CIT: variants seen among roughly 807,000 people sequenced by gnomAD.
The protein encoded by CIT is citron rho-interacting serine/threonine kinase.
A neutral mutation model predicts 272.7 loss-of-function variants in CIT; 79 were observed. The ratio of observed to expected loss-of-function variants is 0.29; its 90% confidence interval spans 0.24 to 0.35. The LOEUF (loss-of-function observed/expected upper bound fraction) is 0.35, where lower values mean the gene tolerates loss of function less well. Among genes scored for constraint, CIT ranks in the 10% least tolerant of loss-of-function variants. The probability of loss-of-function intolerance (pLI) is 1.00; values close to 1 mark genes in which losing one functional copy is unlikely to be tolerated. For synonymous variants in CIT, 948 were observed against 995.6 expected (o/e 0.95, Z 0.90); for missense variants, 1,909 against 2,618.3 (o/e 0.73, Z 5.91).
At chr12:119,745,102 T>C (rs986273074) in intron 23 of CIT, among the ~76,000 whole-genome samples, 1 of 149,688 alleles carries the variant, frequency 6.7e-6, no homozygotes. Flanking sequence ...AACCCACAGA[T>C]GCAAAATATT....
chr12:119,823,690 G>A (rs572817875), intron 8 of CIT, among the ~76,000 whole-genome samples: 9 of 152,210 alleles, frequency 5.9e-5, no homozygotes, highest in South Asian at 2.1e-4. Flanking sequence ...TAGGAAATAC[G>A]TTCCTTTTCC....
chr12:119,693,341 C>T (rs1956061479), intron 46 of CIT, among the ~76,000 whole-genome samples: 1 of 152,158 alleles, frequency 6.6e-6, no homozygotes, highest in Non-Finnish European at 1.5e-5. Context: ...TCTCAACTGC[C>T]CAAAGAAGTC....
intron 24 of CIT, among the ~76,000 whole-genome samples, chr12:119,736,536 T>G (rs1035940501): frequency 3.9e-5 from 6 of 152,258 alleles, no homozygotes; most frequent in African/African-American, 1.4e-4. Context: ...AGTAATTTGC[T>G]TTTTAATGTC....
At chr12:119,876,819 A>G (rs1433822750) in intron 1 of CIT, among the ~76,000 whole-genome samples, 2 of 152,200 alleles carry the variant, frequency 1.3e-5, no homozygotes, top group Admixed American at 6.5e-5. Flanking sequence ...GGACTGGAGC[A>G]GAGCGAAAGA....
chr12:119,819,920 T>C (rs1008883190), intron 9 of CIT, among the ~76,000 whole-genome samples: 1 of 152,184 alleles, frequency 6.6e-6, no homozygotes, highest in Admixed American at 6.5e-5. Context: ...ACAGGAAAAT[T>C]TGCTAGGAGA....
At chr12:119,870,544 C>T (rs1186965152) in intron 2 of CIT, among the ~76,000 whole-genome samples, 2 of 117,222 alleles carry the variant, frequency 1.7e-5, no homozygotes, top group South Asian at 3.1e-4. Flanking sequence ...AGTGAGACTC[C>T]CTCTCAAAAA....
In CIT at chr12:119,697,163, C is replaced by G. The variant is rs1956269402; in HGVS notation, c.5882+496G>C. ...CTCACTGGTCTCCCTGCCCCCACCT[C>G]GTATCTGATGGGAAATCCTCCCTCA... On this transcript the variant is annotated intron_variant, in intron 46 of 47. Transcript: ENST00000392521. This position sits in a 1 kb window ranked among gnomAD's most constrained non-coding sequence, Gnocchi z 4.9. 6.6e-6 allele frequency among the ~76,000 whole-genome samples: 1 copy of G among 152,052 alleles called. No homozygotes were observed. Among genetic ancestry groups the G allele is most frequent in the Non-Finnish European group, 1.5e-5 (1 of 68,012 alleles).
chr12:119,841,889 A>C (rs1350900251), intron 5 of CIT, among the ~76,000 whole-genome samples: 1 of 152,148 alleles, frequency 6.6e-6, no homozygotes, highest in Non-Finnish European at 1.5e-5. Context: ...TGGGTTGTAC[A>C]TTAGGGTCTC....
intron 23 of CIT, 98 bp downstream of exon 23, chr12:119,751,952 T>C (rs1418683276): frequency 9.1e-7 from 1 of 1,100,140 alleles, no homozygotes; most frequent in Admixed American, 2.9e-5. Context: ...TTTTCCCTCC[T>C]GGAATTTCTA....
chr12:119,835,568 G>C lies in CIT; in HGVS notation c.517-1340C>G, dbSNP rs551638759. ...AAATGTCTTGGAAGTTGTCTCATATGCTTTCTGGGAAAAAGGCAAGATCTG... is the reference window on the plus strand; with the variant it reads ...AAATGTCTTGGAAGTTGTCTCATATCCTTTCTGGGAAAAAGGCAAGATCTG... On this transcript the variant is annotated intron_variant, in intron 5 of 47. Transcript: ENST00000392521. Among the ~76,000 whole-genome samples, 11 of 152,178 alleles carry C rather than the reference G, an allele frequency of 7.2e-5. No homozygotes were observed. The South Asian group carries it at 1.5e-3, about 20-fold the overall frequency.
intron 4 of CIT, among the ~76,000 whole-genome samples, chr12:119,854,518 C>T (rs1331774474): frequency 2.0e-5 from 3 of 151,960 alleles, no homozygotes; most frequent in African/African-American, 4.8e-5. Flanking sequence ...TGGCACCCGC[C>T]TGTAGTCCCA....
intron 46 of CIT, among the ~76,000 whole-genome samples, chr12:119,691,667 A>G (rs1430641746): frequency 1.3e-5 from 2 of 152,064 alleles, no homozygotes; most frequent in Admixed American, 6.6e-5. Flanking sequence ...ACCCAACCCA[A>G]TCCTCCACCC....
intron 5 of CIT, among the ~76,000 whole-genome samples, chr12:119,836,689 T>A (rs980183098): frequency 6.6e-6 from 1 of 152,196 alleles, no homozygotes; most frequent in Non-Finnish European, 1.5e-5. Context: ...CCTATGGCTG[T>A]ATTAAAGATG....
In CIT at chr12:119,784,640, G is replaced by C; in HGVS notation, c.1401+320C>G. 1 of 1,242,594 alleles carries C rather than the reference G, an allele frequency of 8.0e-7. No homozygotes were observed. Among genetic ancestry groups the C allele is most frequent in the Non-Finnish European group, 1.0e-6 (1 of 987,254 alleles). 77.0% of individuals were successfully genotyped at this position (1,242,594 alleles called of 1,614,324 possible). On this transcript the variant is annotated intron_variant, in intron 11 of 47. Transcript: ENST00000392521. The surrounding 1 kb of genome is among the most constrained non-coding windows in gnomAD (Gnocchi z 4.7). ...GAGAGACTTCGCATCACTCAAAGCA[G>C]ATGGGATGTATCTCAGCCACAGGTG...
intron 41 of CIT, among the ~76,000 whole-genome samples, chr12:119,703,094 A>G (rs1271112379): frequency 6.6e-6 from 1 of 152,208 alleles, no homozygotes; most frequent in Non-Finnish European, 1.5e-5. Flanking sequence ...TCATCACTGA[A>G]TATTTCTTGG....
At chr12:119,855,539 C>T (rs1366651974) in intron 4 of CIT, among the ~76,000 whole-genome samples, 1 of 152,052 alleles carries the variant, frequency 6.6e-6, no homozygotes, top group African/African-American at 2.4e-5. Flanking sequence ...GTCTGCAGAA[C>T]AGCATCCCTC....
intron 23 of CIT, among the ~76,000 whole-genome samples, chr12:119,745,386 A>AAAAAAAAAAAAAAAAAAAAAAAAAAC (rs1565978032): frequency 7.0e-6 from 1 of 143,256 alleles, no homozygotes; most frequent in East Asian, 2.0e-4. Context: ...AAAAAAAAAA[A>AAAAAAAAAAAAAAAAAAAAAAAAAAC]AAAAAAAAAA....
At chr12:119,810,404 A>C (rs562009860) in intron 9 of CIT, among the ~76,000 whole-genome samples, 14 of 152,252 alleles carry the variant, frequency 9.2e-5, no homozygotes, top group African/African-American at 3.4e-4. Context: ...TTACAGAAAG[A>C]AGTAACAAAA....
Position 119,700,014 on chromosome 12 carries a change from A to T in CIT, c.5623+731T>A, listed in dbSNP as rs1436724403. 23 of 431,592 alleles carry T rather than the reference A, an allele frequency of 5.3e-5. No homozygotes were observed. In the East Asian group the frequency reaches 1.4e-3, roughly 27 times the overall value. The allele number at this position is 431,592 out of a possible 1,614,324, so 26.7% of individuals were successfully genotyped here. A position where few individuals can be genotyped will look rare whatever the true frequency, so the allele number is the denominator to read the frequency against. Reference sequence around the variant, plus strand: ...TAACAAGTGCAAAAAGATTAGTACAAGGATGTTCATCGTAGTGTTGTTTAC... The same window carrying T: ...TAACAAGTGCAAAAAGATTAGTACATGGATGTTCATCGTAGTGTTGTTTAC... On this transcript the variant is annotated intron_variant, in intron 44 of 47. Coordinates refer to ENST00000392521, the MANE Select transcript of CIT (RefSeq NM_001206999.2).
Sources: gnomAD v4.1 joint callset for allele counts (sites outside exome capture counted in the v4.1 genomes callset) on GRCh38, gnomAD v4.1.1 for gene constraint, Gnocchi (gnomAD v3.1) non-coding constraint, MANE v1.5 for transcripts, NCBI Gene and HGNC (gene_info 2026-07-23, HGNC 2026-07-21) for gene names.